Variants in NDRG2 observed in about 807,000 individuals in gnomAD.
NDRG2 encodes the protein protein NDRG2.
Under a neutral mutation model 58.2 loss-of-function variants are expected in NDRG2, and 34 were observed. The ratio of observed to expected loss-of-function variants is 0.58; its 90% CI spans 0.44 to 0.78. NDRG2 has a LOEUF of 0.78. Ranked by LOEUF, NDRG2 falls within the 30% of genes least tolerant of loss-of-function variation. The probability of loss-of-function intolerance (pLI) is 0.00; values close to 1 mark genes in which losing one functional copy is unlikely to be tolerated. For missense variants in NDRG2, 434 were observed against 471.2 expected (o/e 0.92, Z 0.73); for synonymous variants, 187 against 175.9 (o/e 1.06, Z -0.50).
intron 1 of NDRG2, chr14:21,032,333 C>T (rs112384196): frequency 1.0e-5 from 6 of 586,724 alleles, no homozygotes; most frequent in South Asian, 4.6e-5. Context: ...CTTCCAAGAA[C>T]AGGATGGAAG....
intron 1 of NDRG2, among the ~76,000 whole-genome samples, chr14:21,040,211 T>C (rs1303673338): frequency 6.6e-6 from 1 of 152,172 alleles, no homozygotes; most frequent in Non-Finnish European, 1.5e-5. Context: ...AACCAAGGCC[T>C]CGCTGAGGAC....
intron 1 of NDRG2, chr14:21,033,834 A>G: frequency 6.2e-7 from 1 of 1,611,134 alleles, no homozygotes; most frequent in Non-Finnish European, 8.5e-7. Flanking sequence ...TCCCGAATAG[A>G]GACCAGCGAT....
At chr14:21,057,187 C>T (rs1337070238) in intron 1 of NDRG2, among the ~76,000 whole-genome samples, 1 of 152,154 alleles carries the variant, frequency 6.6e-6, no homozygotes, top group African/African-American at 2.4e-5. Context: ...GTAATCCCAG[C>T]ACTTTGGGAG....
chr14:21,051,243 T>A (rs966572933), intron 1 of NDRG2, among the ~76,000 whole-genome samples: 6 of 152,154 alleles, frequency 3.9e-5, no homozygotes, highest in Admixed American at 2.6e-4. Context: ...GATAGGGTAG[T>A]CATGGGGCTA....
upstream of NDRG2, among the ~76,000 whole-genome samples, chr14:21,026,169 C>G (rs1594464847): frequency 6.6e-6 from 1 of 152,116 alleles, no homozygotes; most frequent in South Asian, 2.1e-4. Flanking sequence ...CACACACACA[C>G]CCTGGAATGA....
chr14:21,069,994 G>C (rs773579110), intron 1 of NDRG2, among the ~76,000 whole-genome samples: 1 of 152,156 alleles, frequency 6.6e-6, no homozygotes, highest in Non-Finnish European at 1.5e-5. Context: ...AGGCCGTGGC[G>C]GGAAAAGAGG....
chr14:21,031,418 G>A (rs1184988444), intron 1 of NDRG2: 1 of 486,704 alleles, frequency 2.1e-6, no homozygotes, highest in Non-Finnish European at 3.5e-6. Context: ...GGCAATTAGG[G>A]CTTGGTAGCT....
intron 10 of NDRG2, 32 bp downstream of exon 10, chr14:21,019,605 TTC>T (rs1158247446): frequency 1.6e-5 from 23 of 1,403,666 alleles, no homozygotes; most frequent in Non-Finnish European, 2.2e-5. Context: ...GCTTCTGCAT[TTC>T]TCTCACATGC....
At chr14:21,020,938 T>C in intron 6 of NDRG2, 94 bp from the exon 7 acceptor site, 1 of 1,357,504 alleles carries the variant, frequency 7.4e-7, no homozygotes, top group Non-Finnish European at 1.0e-6. Flanking sequence ...CCCTCCTGAG[T>C]CCACGGGCAC....
At chr14:21,058,375 C>T (rs1885781514) in intron 1 of NDRG2, 3 of 1,529,522 alleles carry the variant, frequency 2.0e-6, no homozygotes, top group East Asian at 2.2e-5. Flanking sequence ...TGCCCACGTT[C>T]CACCTCACAC....
chr14:21,041,897 C>T (rs921641016), intron 1 of NDRG2, among the ~76,000 whole-genome samples: 4 of 152,124 alleles, frequency 2.6e-5, no homozygotes, highest in African/African-American at 4.8e-5. Flanking sequence ...CCATCTCCTC[C>T]GAAAGATAAC....
In NDRG2 at chr14:21,020,316, AG is replaced by A. The variant is rs1280878475; in HGVS notation, c.555+179del. 4.6e-5 allele frequency: 27 copies of A among 587,786 alleles called. No homozygotes were observed. In the East Asian group the frequency reaches 7.0e-4, roughly 15 times the overall value. The allele number at this position is 587,786 out of a possible 1,614,324, so 36.4% of individuals were successfully genotyped here. On this transcript the variant is annotated intron_variant, in intron 8 of 15. Transcript: ENST00000556147. ...CTCAAAAAAAAAAAAAAAAAGAAAA[AG>A]AAAAAGAAAGTTCAGGATATTATAA...
At chr14:21,065,206 C>A (rs1026604816) in intron 1 of NDRG2, among the ~76,000 whole-genome samples, 26 of 151,788 alleles carry the variant, frequency 1.7e-4, no homozygotes, top group African/African-American at 5.3e-4. Flanking sequence ...CAAAAAAATT[C>A]TGTCCTGCAT....
At chr14:21,025,195 C>T (rs1039042221), upstream of NDRG2, 1 of 878,586 alleles carries the variant, frequency 1.1e-6, no homozygotes, top group Non-Finnish European at 1.4e-6. This position sits in a 1 kb window ranked among gnomAD's most constrained non-coding sequence, Gnocchi z 5.1. Context: ...CCTTTCACCC[C>T]GCCCAGACTG....
chr14:21,020,053 T>C (rs1335852384), intron 8 of NDRG2, 77 bp from the exon 9 acceptor site: 1 of 1,389,426 alleles, frequency 7.2e-7, no homozygotes, highest in East Asian at 2.3e-5. Context: ...CCCAGCACTT[T>C]GGGAGGCCGA....
At chr14:21,032,060 G>A (rs768298020) in intron 1 of NDRG2, 21 of 1,613,744 alleles carry the variant, frequency 1.3e-5, no homozygotes, top group Admixed American at 5.0e-5. Context: ...TGGCACCTAC[G>A]ATAAGAAGAC....
intron 1 of NDRG2, among the ~76,000 whole-genome samples, chr14:21,053,153 T>C (rs1293512941): frequency 1.3e-5 from 2 of 152,156 alleles, no homozygotes; most frequent in Non-Finnish European, 2.9e-5. Flanking sequence ...TGAAGATTCA[T>C]GTCACTGAAG....
At chr14:21,060,984 C>T (rs921687661) in intron 1 of NDRG2, among the ~76,000 whole-genome samples, 1 of 152,134 alleles carries the variant, frequency 6.6e-6, no homozygotes, top group Non-Finnish European at 1.5e-5. Context: ...TGGAGGGGGC[C>T]GTGATTTGGA....
chr14:21,030,630 G>A, upstream of NDRG2: 3 of 1,614,018 alleles, frequency 1.9e-6, no homozygotes, highest in Non-Finnish European at 2.5e-6. Flanking sequence ...TGCGTTTGGA[G>A]AATCATCAAG....
Sources: gnomAD v4.1 joint callset for allele counts (sites outside exome capture counted in the v4.1 genomes callset) on GRCh38, gnomAD v4.1.1 for gene constraint, Gnocchi (gnomAD v3.1) non-coding constraint, MANE v1.5 for transcripts, NCBI Gene and HGNC (gene_info 2026-07-23, HGNC 2026-07-21) for gene names.